Variants in ANO1 observed in about 807,000 individuals in gnomAD.
The protein encoded by ANO1 is anoctamin-1.
A neutral mutation model predicts 124.0 loss-of-function variants in ANO1; 59 were observed. The ratio of observed to expected loss-of-function variants is 0.48; its 90% CI spans 0.39 to 0.59. The LOEUF (loss-of-function observed/expected upper bound fraction) is 0.59. Ranked by LOEUF, ANO1 falls within the 20% of genes least tolerant of loss-of-function variation. The pLI is 0.00. For synonymous variants in ANO1, 529 were observed against 532.0 expected, an observed-to-expected ratio of 0.99 and a Z score of 0.08; for missense variants, 1,059 against 1,328.0, an observed-to-expected ratio of 0.80 and a Z score of 3.15.
chr11:70,157,559 C>T (rs2047869845), intron 16 of ANO1, among the ~76,000 whole-genome samples: 1 of 151,962 alleles, frequency 6.6e-6, no homozygotes, highest in African/African-American at 2.4e-5. Flanking sequence ...GCTTCACACG[C>T]CAGGGAGTAC....
At chr11:70,095,317 A>AAGGAAGGAAGGAAGG (rs1565193468) in intron 2 of ANO1, among the ~76,000 whole-genome samples, 4 of 81,310 alleles carry the variant, frequency 4.9e-5, no homozygotes, top group African/African-American at 1.3e-4. Flanking sequence ...AGAAAGAAAG[A>AAGGAAGGAAGGAAGG]AAGGAAAGAA....
rs564709797 is a variant in ANO1 at position 70,085,356 on chromosome 11, G to T, written c.109-2396G>T. The T allele has an allele frequency of 2.8e-6, 4 of 1,411,130 alleles. No homozygotes were observed. In the African/African-American group the frequency reaches 5.8e-5, roughly 20 times the overall value. 87.4% of individuals were successfully genotyped at this position (1,411,130 alleles called of 1,614,324 possible). Reference sequence around the variant, plus strand: ...TCCCAAGCCACCCACCCACATGGGCGTGGTCGTGGCCCCTAAGCACCCTCA... The same window carrying T: ...TCCCAAGCCACCCACCCACATGGGCTTGGTCGTGGCCCCTAAGCACCCTCA... On this transcript the variant is annotated intron_variant, in intron 1 of 25. Transcript: ENST00000355303.
At chr11:70,134,781 G>A (rs986447388) in intron 11 of ANO1, among the ~76,000 whole-genome samples, 3 of 152,178 alleles carry the variant, frequency 2.0e-5, no homozygotes, top group Admixed American at 6.6e-5. Flanking sequence ...GGGAACCAAG[G>A]GAAGCAAACC....
At chr11:70,155,050 G>A (rs544615458) in intron 14 of ANO1, among the ~76,000 whole-genome samples, 1 of 152,360 alleles carries the variant, frequency 6.6e-6, no homozygotes, top group African/African-American at 2.4e-5. Flanking sequence ...AAGCCTGGGT[G>A]AAGATGTCTC....
chr11:70,172,463 A>G (rs2048515912), intron 22 of ANO1, among the ~76,000 whole-genome samples: 1 of 152,236 alleles, frequency 6.6e-6, no homozygotes, highest in Admixed American at 6.5e-5. Flanking sequence ...TGGAATAAAC[A>G]AAAGGTTGAA....
At chr11:70,076,638 G>T (rs2044061719), upstream of ANO1, among the ~76,000 whole-genome samples, 1 of 152,190 alleles carries the variant, frequency 6.6e-6, no homozygotes, top group African/African-American at 2.4e-5. Context: ...AGGAGCAGAG[G>T]CTGTGGAGCA....
In ANO1 at chr11:70,102,978, T is replaced by G. The variant is rs148388584; in HGVS notation, c.442-88T>G. 2,917 of 908,980 alleles carry G rather than the reference T, an allele frequency of 3.2e-3. 114 individuals are homozygous for G. The East Asian group carries it at 0.065, about 20-fold the overall frequency. The allele number at this position is 908,980 out of a possible 1,614,324, so 56.3% of individuals were successfully genotyped here. A position where few individuals can be genotyped will look rare whatever the true frequency, so the allele number is the denominator to read the frequency against. On this transcript the variant is annotated intron_variant, in intron 2 of 25. Transcript: ENST00000355303. ...GCAGCCATGCACAGTAGCTGCTCGA[T>G]AAATTGTGGTGGCCTCTGAAGATCA...
At chr11:70,081,150 G>A (rs1213127834) in intron 1 of ANO1, among the ~76,000 whole-genome samples, 1 of 152,234 alleles carries the variant, frequency 6.6e-6, no homozygotes, top group Non-Finnish European at 1.5e-5. Context: ...AAGTTCAAGG[G>A]TGGAAATGAC....
chr11:70,031,873 C>T (rs1405474504), intron 1 of ANO1, among the ~76,000 whole-genome samples: 2 of 152,236 alleles, frequency 1.3e-5, no homozygotes, highest in Non-Finnish European at 2.9e-5. Flanking sequence ...AGGGAGTGTC[C>T]TTCCTGCCTG....
intron 1 of ANO1, chr11:70,085,422 T>G: frequency 4.0e-6 from 6 of 1,507,520 alleles, no homozygotes; most frequent in Non-Finnish European, 5.3e-6. Flanking sequence ...GCACGCACAC[T>G]GAGTCCAGGT....
At position 70,161,747 on chromosome 11, in the gene ANO1, C is replaced by A; in HGVS notation, c.1892+14C>A. ...CTTCAAAGGCCGGTAGGGACATCTT[C>A]AGCCTTTCCCCAACCTCGCTTCTCC... On this transcript the variant is annotated intron_variant, in intron 18 of 25. Coordinates refer to ENST00000355303, the MANE Select transcript of ANO1 (RefSeq NM_018043.7). The A allele has an allele frequency of 6.2e-7, 1 of 1,612,040 alleles. No individual in the cohort carries two copies. The highest frequency in any genetic ancestry group is 8.5e-7 in the Non-Finnish European group (1 of 1,178,090).
At chr11:70,046,622 C>T (rs536252087) in intron 1 of ANO1, among the ~76,000 whole-genome samples, 69 of 152,074 alleles carry the variant, frequency 4.5e-4, no homozygotes, top group Non-Finnish European at 8.7e-4. Context: ...CTTAATGATC[C>T]TGGAGGATTT....
chr11:70,124,303 C>T lies in ANO1; in HGVS notation c.898-47C>T, dbSNP rs564757414. ...GCAGCTCTGCGTTCCGGGGAGCAAC[C>T]TCGGAGTGCCACATTGTCACCAACC... On this transcript the variant is annotated intron_variant, in intron 8 of 25. Coordinates refer to ENST00000355303, the MANE Select transcript of ANO1 (RefSeq NM_018043.7). The T allele has an allele frequency of 6.1e-5, 97 of 1,594,660 alleles. 1 individual carries two copies. The East Asian group carries it at 1.9e-3, about 32-fold the overall frequency.
intron 1 of ANO1, among the ~76,000 whole-genome samples, chr11:70,026,186 A>T (rs1045699033): frequency 3.4e-5 from 5 of 148,974 alleles, no homozygotes; most frequent in Non-Finnish European, 7.4e-5. Context: ...GGTGGTGATG[A>T]TGATGATGGT....
intron 1 of ANO1, among the ~76,000 whole-genome samples, chr11:70,025,203 G>T (rs1189388010): frequency 6.6e-6 from 1 of 152,138 alleles, no homozygotes; most frequent in African/African-American, 2.4e-5. Context: ...TCACCTCTCT[G>T]GTCCTCAGAC....
At chr11:70,142,200 GAAC>G (rs1312508755) in intron 11 of ANO1, among the ~76,000 whole-genome samples, 1 of 152,218 alleles carries the variant, frequency 6.6e-6, no homozygotes, top group Non-Finnish European at 1.5e-5. Context: ...GTTCCACGAA[GAAC>G]AAAGGAGTTT....
At chr11:69,999,051 A>AT (rs1230252886) in intron 1 of ANO1, among the ~76,000 whole-genome samples, 26 of 149,210 alleles carry the variant, frequency 1.7e-4, no homozygotes, top group African/African-American at 6.4e-4. Flanking sequence ...AAAAAAAGAG[A>AT]TTTTTTAAAA....
chr11:70,154,160 A>G (rs1236190209), intron 14 of ANO1, among the ~76,000 whole-genome samples: 1 of 152,162 alleles, frequency 6.6e-6, no homozygotes, highest in Admixed American at 6.5e-5. Flanking sequence ...AGATGCCCGC[A>G]CTGACCCTTG....
the ANO1 span, among the ~76,000 whole-genome samples, chr11:69,968,126 G>GGATGAGCA: frequency 7.7e-3 from 1,173 of 152,304 alleles, 20 homozygotes; most frequent in African/African-American, 0.027. Context: ...ATGAATGAAT[G>GGATGAGCA]GATGAGCAAG....
Sources: gnomAD v4.1 joint callset for allele counts (sites outside exome capture counted in the v4.1 genomes callset) on GRCh38, gnomAD v4.1.1 for gene constraint, MANE v1.5 for transcripts, NCBI Gene and HGNC (gene_info 2026-07-23, HGNC 2026-07-21) for gene names.